VTI1A: variants seen among roughly 807,000 people sequenced by gnomAD.
VTI1A encodes the protein vesicle transport through interaction with t-SNAREs homolog 1A.
A neutral mutation model predicts 34.9 loss-of-function variants in VTI1A; 22 were observed. That is an observed-to-expected ratio of 0.63 (90% CI 0.45 to 0.90). The LOEUF (loss-of-function observed/expected upper bound fraction) is 0.90. Among genes scored for constraint, VTI1A ranks in the 40% least tolerant of loss-of-function variants. The pLI is 0.00. For missense variants in VTI1A, 268 were observed against 275.6 expected, an observed-to-expected ratio of 0.97 and a Z score of 0.20; for synonymous variants, 87 against 97.3, an observed-to-expected ratio of 0.89 and a Z score of 0.62.
chr10:112,770,508 G>GCCT (rs1463439447), intron 7 of VTI1A, among the ~76,000 whole-genome samples: 5 of 150,688 alleles, frequency 3.3e-5, no homozygotes, highest in Non-Finnish European at 7.4e-5. Flanking sequence ...CCATTCTCCT[G>GCCT]CCTCAGCCTC....
At chr10:112,740,891 T>A (rs981518504) in intron 7 of VTI1A, among the ~76,000 whole-genome samples, 1 of 152,232 alleles carries the variant, frequency 6.6e-6, no homozygotes, top group Non-Finnish European at 1.5e-5. Context: ...TATAACAGCA[T>A]TATTTATAAT....
chr10:112,722,456 A>G (rs947965748), intron 7 of VTI1A, among the ~76,000 whole-genome samples: 1 of 152,178 alleles, frequency 6.6e-6, no homozygotes, highest in Non-Finnish European at 1.5e-5. Flanking sequence ...ACATGTATGC[A>G]TATGTAACAA....
At chr10:112,618,510 T>TAGAGAGAGAGAG (rs1370121195) in intron 5 of VTI1A, among the ~76,000 whole-genome samples, 106 of 32,320 alleles carry the variant, frequency 3.3e-3, no homozygotes, top group Non-Finnish European at 4.8e-3. Flanking sequence ...TATATATATA[T>TAGAGAGAGAGAG]ATATATATAT....
intron 5 of VTI1A, among the ~76,000 whole-genome samples, chr10:112,612,219 G>A (rs1845344682): frequency 6.6e-6 from 1 of 152,060 alleles, no homozygotes; most frequent in Non-Finnish European, 1.5e-5. Context: ...ACCCAATCTG[G>A]TCAGATAGTG....
chr10:112,815,090 G>A (rs533661612), intron 7 of VTI1A, among the ~76,000 whole-genome samples, 200 bp from the exon 8 acceptor site: 6 of 151,102 alleles, frequency 4.0e-5, no homozygotes, highest in Admixed American at 2.0e-4. Flanking sequence ...TCGTTTCCTC[G>A]TGGATCGTTT....
At chr10:112,728,961 C>T (rs927709574) in intron 7 of VTI1A, among the ~76,000 whole-genome samples, 4 of 152,046 alleles carry the variant, frequency 2.6e-5, no homozygotes, top group Non-Finnish European at 5.9e-5. Flanking sequence ...CGTAAGTGGC[C>T]GAGCTGGTCT....
chr10:112,575,679 AAATT>A (rs1852304681), intron 5 of VTI1A, among the ~76,000 whole-genome samples: 1 of 152,234 alleles, frequency 6.6e-6, no homozygotes, highest in Non-Finnish European at 1.5e-5. Context: ...TTACCTTATG[AAATT>A]AATTGTTTAA....
At chr10:112,620,528 C>G (rs565992082) in intron 5 of VTI1A, among the ~76,000 whole-genome samples, 1 of 152,220 alleles carries the variant, frequency 6.6e-6, no homozygotes, top group East Asian at 1.9e-4. Flanking sequence ...CGGTGGCTCA[C>G]GTCTGTAATC....
chr10:112,815,370 T>C lies in VTI1A; in HGVS notation c.641T>C (p.Val214Ala). The change falls in exon 8 of 8, where the codon GTC (valine) becomes GCC (alanine). Residue 214 changes from valine (V) to alanine (A), a missense_variant. Transcript: ENST00000393077. ...ITILMAITFSVRRH is the reference protein window; with the variant it reads ...ITILMAITFSARRH ...ATCCTGATGGCGATCACTTTTTCTG[T>C]CAGAAGACACTGATGTATCTGCTCT... 6.2e-7 allele frequency: 1 copy of C among 1,613,782 alleles called. No individual in the cohort carries two copies. Among genetic ancestry groups the C allele is most frequent in the Non-Finnish European group, 8.5e-7 (1 of 1,179,754 alleles).
rs995554877 is a variant in VTI1A at position 112,767,844 on chromosome 10, T to G, written c.561-47446T>G. Among the ~76,000 whole-genome samples, 2 of 152,214 alleles carry G rather than the reference T, an allele frequency of 1.3e-5. No individual in the cohort carries two copies. The highest frequency in any genetic ancestry group is 4.1e-4 in the South Asian group (2 of 4,832). ...GTGAGATGATATAAAGGCCAAAATGTTCTGGGCCCTTCACCTCTTCCTAGG... is the reference window on the plus strand; with the variant it reads ...GTGAGATGATATAAAGGCCAAAATGGTCTGGGCCCTTCACCTCTTCCTAGG... On this transcript the variant is annotated intron_variant, in intron 7 of 7. Transcript: ENST00000393077. This position sits in a 1 kb window ranked among gnomAD's most constrained non-coding sequence, Gnocchi z 4.0.
chr10:112,627,543 A>ATATTTT (rs1845969301), intron 5 of VTI1A, among the ~76,000 whole-genome samples: 1 of 152,154 alleles, frequency 6.6e-6, no homozygotes, highest in Non-Finnish European at 1.5e-5. Context: ...CTCAAATATA[A>ATATTTT]CCACTATTCA....
chr10:112,501,968 T>C (rs1849257976), intron 3 of VTI1A, among the ~76,000 whole-genome samples: 1 of 151,824 alleles, frequency 6.6e-6, no homozygotes, highest in African/African-American at 2.4e-5. Context: ...AGTGGTTAGT[T>C]AGCCTTAAAG....
At chr10:112,798,293 A>G (rs1170963446) in intron 7 of VTI1A, among the ~76,000 whole-genome samples, 1 of 152,180 alleles carries the variant, frequency 6.6e-6, no homozygotes, top group African/African-American at 2.4e-5. Context: ...TGGGCTTTCA[A>G]CACGTCTTCC....
chr10:112,707,456 C>T (rs1392900320), intron 7 of VTI1A, among the ~76,000 whole-genome samples: 1 of 152,166 alleles, frequency 6.6e-6, no homozygotes, highest in African/African-American at 2.4e-5. Flanking sequence ...GCCTCAGCCT[C>T]CTGAGTAGCT....
At chr10:112,749,511 A>C (rs1488904630) in intron 7 of VTI1A, among the ~76,000 whole-genome samples, 1 of 152,248 alleles carries the variant, frequency 6.6e-6, no homozygotes, top group Non-Finnish European at 1.5e-5. Context: ...GAGGAAACTC[A>C]GAGCTGTAGC....
chr10:112,830,824 T>TC, the VTI1A span, among the ~76,000 whole-genome samples: 4 of 47,280 alleles, frequency 8.5e-5, no homozygotes, highest in Non-Finnish European at 1.5e-4. Flanking sequence ...AAAACCCTCA[T>TC]ATATATATAT....
At chr10:112,465,879 G>A (rs1054994740) in intron 3 of VTI1A, among the ~76,000 whole-genome samples, 14 of 152,070 alleles carry the variant, frequency 9.2e-5, no homozygotes, top group African/African-American at 2.4e-4. Context: ...TGATTTTACC[G>A]CAATTAAAAA....
At chr10:112,798,472 A>G (rs1459387143) in intron 7 of VTI1A, among the ~76,000 whole-genome samples, 1 of 152,160 alleles carries the variant, frequency 6.6e-6, no homozygotes, top group African/African-American at 2.4e-5. Flanking sequence ...TCCCCAAAGA[A>G]TGACAGAGTG....
At chr10:112,620,519 G>A (rs1024990624) in intron 5 of VTI1A, among the ~76,000 whole-genome samples, 7 of 152,102 alleles carry the variant, frequency 4.6e-5, no homozygotes, top group Admixed American at 2.0e-4. Flanking sequence ...GGCTGGGCGC[G>A]GTGGCTCACG....
Sources: gnomAD v4.1 joint callset for allele counts (sites outside exome capture counted in the v4.1 genomes callset) on GRCh38, gnomAD v4.1.1 for gene constraint, Gnocchi (gnomAD v3.1) non-coding constraint, MANE v1.5 for transcripts, NCBI Gene and HGNC (gene_info 2026-07-23, HGNC 2026-07-21) for gene names.